Variants in C5 observed in about 807,000 individuals in gnomAD.
C5 encodes C3 and PZP-like alpha-2-macroglobulin domain-containing protein 4.
Under a neutral mutation model 218.8 loss-of-function variants are expected in C5, and 140 were observed. The observed-to-expected ratio is 0.64, with a 90% confidence interval of 0.56 to 0.74. The LOEUF (loss-of-function observed/expected upper bound fraction) is 0.74. Ranked by LOEUF, C5 falls within the 30% of genes least tolerant of loss-of-function variation. The pLI is 0.00. For missense variants in C5, 1,700 were observed against 1,969.6 expected (o/e 0.86, Z 2.59); for synonymous variants, 614 against 682.3 (o/e 0.90, Z 1.56).
At chr9:121,035,342 G>A (rs1003562676) in intron 4 of C5, among the ~76,000 whole-genome samples, 1 of 152,170 alleles carries the variant, frequency 6.6e-6, no homozygotes, top group Admixed American at 6.5e-5. Context: ...TTTTTAGCCA[G>A]ATGTTTTATA....
intron 33 of C5, among the ~76,000 whole-genome samples, chr9:120,965,951 G>A (rs1021736335): frequency 2.6e-5 from 4 of 152,228 alleles, no homozygotes; most frequent in Non-Finnish European, 5.9e-5. Flanking sequence ...GCATTTTGTT[G>A]TGAGGGAAAT....
At chr9:121,015,355 T>C in intron 15 of C5, 94 bp from the exon 16 acceptor site, 1 of 778,938 alleles carries the variant, frequency 1.3e-6, no homozygotes, top group Non-Finnish European at 2.2e-6. Flanking sequence ...ATTTAGAGCC[T>C]TCACAAGTCA....
At chr9:120,991,660 T>G (rs1352186165) in intron 22 of C5, among the ~76,000 whole-genome samples, 1 of 152,224 alleles carries the variant, frequency 6.6e-6, no homozygotes, top group African/African-American at 2.4e-5. Flanking sequence ...GAACATTAGC[T>G]CCACAGGGAA....
At chr9:121,069,417 G>A in the C5 span, among the ~76,000 whole-genome samples, 1 of 152,044 alleles carries the variant, frequency 6.6e-6, no homozygotes, top group African/African-American at 2.4e-5. Context: ...TCAGGGAAAT[G>A]CAAATCTGCA....
intron 2 of C5, among the ~76,000 whole-genome samples, chr9:121,043,672 A>ACAGGTGTG (rs1035601545): frequency 6.7e-6 from 1 of 149,756 alleles, no homozygotes; most frequent in Admixed American, 6.7e-5. Flanking sequence ...AGCTGAGATT[A>ACAGGTGTG]CAGGTGTGCG....
At chr9:121,062,005 G>T in the C5 span, among the ~76,000 whole-genome samples, 1 of 152,122 alleles carries the variant, frequency 6.6e-6, no homozygotes, top group Admixed American at 6.5e-5. Flanking sequence ...CCTAATACAA[G>T]GAAATACCAT....
chr9:121,069,528 CTT>C, the C5 span, among the ~76,000 whole-genome samples: 13 of 143,154 alleles, frequency 9.1e-5, no homozygotes, highest in Admixed American at 2.1e-4. Flanking sequence ...AAAAGAAACT[CTT>C]TTTTTTTTTT....
At position 120,974,871 on chromosome 9, in the gene C5, A is replaced by G; in HGVS notation, c.3925T>C (p.Leu1309=). 4 of 1,614,120 alleles carry G rather than the reference A, an allele frequency of 2.5e-6. No individual in the cohort carries two copies. The highest frequency in any genetic ancestry group is 3.4e-6 in the Non-Finnish European group (4 of 1,179,928). The change falls in exon 30 of 41, where the codon TTG becomes CTG. Residue 1309 remains leucine (L), a synonymous_variant. Coordinates refer to ENST00000223642, the MANE Select transcript of C5 (RefSeq NM_001735.3). ...TAAGAAACATCGATGTCCATACTCA[A>G]GCGGAGTTGTTTAACCAGGAGTGAA... ...EYSLLVKQLR[L]SMDIDVSYKH... is the part of the protein sequence containing the mutation.
chr9:120,971,850 T>C (rs1218753350), intron 31 of C5, 80 bp downstream of exon 31: 13 of 1,074,276 alleles, frequency 1.2e-5, no homozygotes, highest in Non-Finnish European at 1.7e-5. Flanking sequence ...TCTGTGACTT[T>C]GTGGCAAAGC....
At position 121,001,114 on chromosome 9, in the gene C5, T is replaced by C. The variant is rs934239151; in HGVS notation, c.2563-3340A>G. Among the ~76,000 whole-genome samples the C allele has an allele frequency of 1.1e-4, 16 of 152,340 alleles. 1 individual carries two copies. Among genetic ancestry groups the C allele is most frequent in the Admixed American group, 6.5e-5 (1 of 15,300 alleles). On this transcript the variant is annotated intron_variant, in intron 20 of 40. Coordinates refer to ENST00000223642, the MANE Select transcript of C5 (RefSeq NM_001735.3). ...ACATTTATAATCAATAAAGAATTTA[T>C]AGCTCTAACATACAAAGTGCTCCTG...
chr9:120,977,867 T>C (rs1216029285), intron 28 of C5, among the ~76,000 whole-genome samples: 1 of 152,232 alleles, frequency 6.6e-6, no homozygotes, highest in East Asian at 1.9e-4. Context: ...CAAATTCCTT[T>C]AGTTCTGTGT....
In C5 at chr9:120,997,533, C is replaced by G. The variant is rs757300188; in HGVS notation, c.2790+14G>C. On this transcript the variant is annotated intron_variant, in intron 21 of 40. Coordinates refer to ENST00000223642, the MANE Select transcript of C5 (RefSeq NM_001735.3). ...ATAATTTAAGCATAAGTTATTGAAGCATGTTTTTCTTACCACCACTCGTAA... is the reference window on the plus strand; with the variant it reads ...ATAATTTAAGCATAAGTTATTGAAGGATGTTTTTCTTACCACCACTCGTAA... 4.5e-6 allele frequency: 7 copies of G among 1,552,672 alleles called. No homozygotes were observed. In the Admixed American group the frequency reaches 5.0e-5, roughly 11 times the overall value.
intron 4 of C5, among the ~76,000 whole-genome samples, chr9:121,035,240 A>G (rs191462196): frequency 6.6e-6 from 1 of 152,322 alleles, no homozygotes; most frequent in East Asian, 1.9e-4. Flanking sequence ...GATAAACTAA[A>G]TGTGAATTTT....
Position 121,017,767 on chromosome 9 carries a change from G to A in C5, c.1592C>T (p.Thr531Ile), listed in dbSNP as rs766604175. ...ASYQSINIPVTQNMVPSSRLL... is the reference protein window; with the variant it reads ...ASYQSINIPVIQNMVPSSRLL... Reference sequence around the variant, plus strand: ...TCGGGATGAAGGAACCATGTTCTGTGTTACTGGAATGTTTATACTTTGATA... The same window carrying A: ...TCGGGATGAAGGAACCATGTTCTGTATTACTGGAATGTTTATACTTTGATA... The change falls in exon 13 of 41, where the codon ACA (threonine) becomes ATA (isoleucine). Residue 531 changes from threonine to isoleucine, a missense_variant. Thr to Ile is a moderately conservative substitution (Grantham distance 89). Transcript: ENST00000223642. The A allele has an allele frequency of 4.3e-6, 7 of 1,613,074 alleles. No homozygotes were observed. Among genetic ancestry groups the A allele is most frequent in the Non-Finnish European group, 5.9e-6 (7 of 1,179,234 alleles).
At chr9:120,993,177 C>T (rs753905816) in intron 22 of C5, among the ~76,000 whole-genome samples, 14 of 152,224 alleles carry the variant, frequency 9.2e-5, no homozygotes, top group South Asian at 2.1e-4. Flanking sequence ...TGTGGAGAGA[C>T]GAGAACCCTC....
rs772069438 is a variant in C5 at position 121,023,403 on chromosome 9, C to T, written c.1116+1G>A. On this transcript the variant is annotated splice_donor_variant, in intron 10 of 40. Transcript: ENST00000223642. LOFTEE classifies it high-confidence loss of function. ...AACGTCTACCCCCTCACCCAATCTACCTTGATGGGATATGGAATCCCAGGC... is the reference window on the plus strand; with the variant it reads ...AACGTCTACCCCCTCACCCAATCTATCTTGATGGGATATGGAATCCCAGGC... 1.3e-6 allele frequency: 2 copies of T among 1,577,966 alleles called. No homozygotes were observed. The highest frequency in any genetic ancestry group is 3.3e-5 in the Admixed American group (2 of 59,990).
At chr9:121,002,112 G>A (rs575624417) in intron 20 of C5, among the ~76,000 whole-genome samples, 1 of 149,416 alleles carries the variant, frequency 6.7e-6, no homozygotes, top group South Asian at 2.1e-4. Flanking sequence ...ACAAATTGCT[G>A]AGGCAGTGTG....
At chr9:121,031,926 T>C (rs925958337) in intron 6 of C5, among the ~76,000 whole-genome samples, 187 bp downstream of exon 6, 1 of 151,924 alleles carries the variant, frequency 6.6e-6, no homozygotes, top group African/African-American at 2.4e-5. Flanking sequence ...TAGCCGGCTA[T>C]GGTGGTTGGT....
In C5 at chr9:121,002,254, G is replaced by GTATATATATATGTA. The variant is rs371381694; in HGVS notation, c.2562+3664_2562+3665insTACATATATATATA. 1.1e-4 allele frequency among the ~76,000 whole-genome samples: 7 copies of GTATATATATATGTA among 65,974 alleles called. 1 individual carries two copies. Among genetic ancestry groups the GTATATATATATGTA allele is most frequent in the Admixed American group, 9.1e-4 (4 of 4,392 alleles). The allele number at this position is 65,974 out of a possible 152,430, so 43.3% of individuals were successfully genotyped here. A position where few individuals can be genotyped will look rare whatever the true frequency, so the allele number is the denominator to read the frequency against. ...TGTATATATGTATATGTATATATAT[G>GTATATATATATGTA]TATATATGTATATATATGTATATAT... is the stretch of plus-strand genomic sequence containing the variant. On this transcript the variant is annotated intron_variant, in intron 20 of 40. Transcript: ENST00000223642.
Sources: gnomAD v4.1 joint callset for allele counts (sites outside exome capture counted in the v4.1 genomes callset) on GRCh38, gnomAD v4.1.1 for gene constraint, MANE v1.5 for transcripts, NCBI Gene and HGNC (gene_info 2026-07-23, HGNC 2026-07-21) for gene names.